Variants in SMPD3 observed in about 807,000 individuals in gnomAD.
SMPD3 encodes the protein sphingomyelin phosphodiesterase 3, also known as nSMase-2.
A neutral mutation model predicts 55.7 loss-of-function variants in SMPD3; 21 were observed. The observed-to-expected ratio is 0.38, with a 90% CI of 0.27 to 0.54. The LOEUF (loss-of-function observed/expected upper bound fraction) is 0.54. SMPD3 is among the 20% of genes least tolerant of loss of function. The probability of loss-of-function intolerance (pLI) is 0.80; values close to 1 mark genes in which losing one functional copy is unlikely to be tolerated. For synonymous variants in SMPD3, 457 were observed against 404.3 expected, an observed-to-expected ratio of 1.13 and a Z score of -1.56; for missense variants, 842 against 899.6, an observed-to-expected ratio of 0.94 and a Z score of 0.82.
At chr16:68,393,959 G>T (rs564217970) in intron 1 of SMPD3, among the ~76,000 whole-genome samples, 1 of 152,214 alleles carries the variant, frequency 6.6e-6, no homozygotes, top group Non-Finnish European at 1.5e-5. Flanking sequence ...TTTAATATTT[G>T]TGATGTCAGT....
intron 1 of SMPD3, among the ~76,000 whole-genome samples, chr16:68,416,055 T>G (rs988558862): frequency 2.2e-4 from 34 of 152,228 alleles, no homozygotes; most frequent in Non-Finnish European, 4.4e-5. Flanking sequence ...CTGCAAGGGC[T>G]GCTGGAAGAG....
chr16:68,376,817 T>C (rs2089828005), intron 2 of SMPD3, among the ~76,000 whole-genome samples: 1 of 152,180 alleles, frequency 6.6e-6, no homozygotes, highest in Non-Finnish European at 1.5e-5. Context: ...CCCCTGGCCC[T>C]CGGCTTCACC....
At chr16:68,423,796 C>T (rs971534796) in intron 1 of SMPD3, among the ~76,000 whole-genome samples, 4 of 152,072 alleles carry the variant, frequency 2.6e-5, no homozygotes, top group East Asian at 3.9e-4. Context: ...TTCCAGACCC[C>T]GTGGGGCACT....
At chr16:68,405,167 G>A (rs1750) in intron 1 of SMPD3, among the ~76,000 whole-genome samples, 115,369 of 151,980 alleles carry the variant, frequency 0.76, 44,142 homozygotes, top group East Asian at 0.87. Context: ...TCACAGCCTC[G>A]GGACTCATGG....
chr16:68,401,301 G>A (rs11647934), intron 1 of SMPD3, among the ~76,000 whole-genome samples: 104,715 of 152,066 alleles, frequency 0.69, 37,607 homozygotes, highest in East Asian at 0.86. Flanking sequence ...TGTAGCTGAC[G>A]CATTTGGACT....
At chr16:68,419,648 C>T (rs1769981627) in intron 1 of SMPD3, among the ~76,000 whole-genome samples, 1 of 152,230 alleles carries the variant, frequency 6.6e-6, no homozygotes, top group South Asian at 2.1e-4. Context: ...ACTTTCCTCC[C>T]TTCCTATGGA....
rs9934801 is a variant in SMPD3, at chr16:68,430,482, A to G, written c.-269+17871T>C. The stretch of plus-strand genomic sequence containing the variant: ...CTGAGCATGACAGCTATTTTGGGTC[A>G]AGTCCACATTTCATTCCTAAATGGA... On this transcript the variant is annotated intron_variant, in intron 1 of 8. Transcript: ENST00000219334. Among the ~76,000 whole-genome samples, 891 of 152,316 alleles carry G rather than the reference A, an allele frequency of 5.8e-3. 11 individuals are homozygous for G. Among genetic ancestry groups the G allele is most frequent in the African/African-American group, 0.02 (850 of 41,540 alleles).
chr16:68,379,473 T>C (rs1597622453), intron 2 of SMPD3, among the ~76,000 whole-genome samples: 1 of 152,246 alleles, frequency 6.6e-6, no homozygotes, highest in Admixed American at 6.5e-5. Flanking sequence ...CATTTTGCTA[T>C]CACTGTTAAT....
chr16:68,439,795 T>C (rs1597671405), intron 1 of SMPD3, among the ~76,000 whole-genome samples: 1 of 152,224 alleles, frequency 6.6e-6, no homozygotes, highest in East Asian at 1.9e-4. Flanking sequence ...CTCAGAGCTA[T>C]GCAGTGAATG....
In SMPD3 at chr16:68,364,846, C is replaced by T. The variant is rs775966517; in HGVS notation, c.1460G>A (p.Arg487Gln). The T allele has an allele frequency of 2.2e-5, 35 of 1,613,666 alleles. No individual in the cohort carries two copies. The highest frequency in any genetic ancestry group is 2.0e-4 in the South Asian group (18 of 91,078). Residue 487 changes from arginine (R) to glutamine (Q), a missense_variant, in exon 5 of 9, where the codon CGA (arginine) becomes CAA (glutamine). Arg to Gln is a conservative substitution (Grantham distance 43, BLOSUM62 1). Transcript: ENST00000219334. Reference protein sequence around the residue: ...DLLQDWLADFRKSTSSSSAAN... With the variant: ...DLLQDWLADFQKSTSSSSAAN... The stretch of plus-strand genomic sequence containing the variant: ...TGCGCTGGACGAGGAGGTAGATTTT[C>T]GGAAATCAGCCAGCCAGTCCTGAAG...
intron 1 of SMPD3, among the ~76,000 whole-genome samples, chr16:68,400,110 T>G (rs115392414): frequency 6.8e-4 from 104 of 152,374 alleles, no homozygotes; most frequent in African/African-American, 2.5e-3. Flanking sequence ...TGTCTGACTC[T>G]AAAACCAGTG....
At chr16:68,402,371 C>G (rs1048764819) in intron 1 of SMPD3, among the ~76,000 whole-genome samples, 27 of 152,124 alleles carry the variant, frequency 1.8e-4, no homozygotes, top group African/African-American at 6.5e-4. Flanking sequence ...TTGTCATAAT[C>G]TGAGGACAAG....
chr16:68,446,416 G>A (rs2152037291), intron 1 of SMPD3, among the ~76,000 whole-genome samples: 1 of 151,938 alleles, frequency 6.6e-6, no homozygotes, highest in South Asian at 2.1e-4. Flanking sequence ...GAGAGTTAAA[G>A]ATGTGACTAC....
chr16:68,361,903 G>C, intron 7 of SMPD3, 144 bp from the exon 8 acceptor site: 2 of 1,287,874 alleles, frequency 1.6e-6, no homozygotes, highest in Non-Finnish European at 1.0e-6. Context: ...TCTCCCCTGC[G>C]GGTCCAAAAA....
chr16:68,365,050 A>G lies in SMPD3; in HGVS notation c.1366T>C (p.Tyr456His). 1 of 1,614,042 alleles carries G rather than the reference A, an allele frequency of 6.2e-7. No homozygotes were observed. Among genetic ancestry groups the G allele is most frequent in the Non-Finnish European group, 8.5e-7 (1 of 1,179,976 alleles). The change falls in exon 4 of 9, where the codon TAC becomes CAC. Residue 456 changes from tyrosine to histidine, a missense_variant. Physicochemically the swap from Tyr to His is moderately conservative, Grantham distance 83 (BLOSUM62 2). Transcript: ENST00000219334. ...STPQDQRIVG[Y>H]IACTHLHAPQ... is the part of the protein sequence containing the mutation. ...GCATGCAGGTGTGTGCAGGCGATGT[A>G]CCCGACGATTCTTTGGTCCTGAGGT...
intron 1 of SMPD3, among the ~76,000 whole-genome samples, chr16:68,446,948 T>A (rs2090614824): frequency 6.6e-6 from 1 of 152,194 alleles, no homozygotes; most frequent in African/African-American, 2.4e-5. Flanking sequence ...CATAGTGCCC[T>A]GCCCTGGCTC....
At chr16:68,400,208 C>T (rs554025099) in intron 1 of SMPD3, among the ~76,000 whole-genome samples, 12 of 152,186 alleles carry the variant, frequency 7.9e-5, no homozygotes, top group Admixed American at 1.3e-4. Context: ...CCCTCAAATA[C>T]GTGTCGGGGG....
At chr16:68,407,834 C>T (rs567023990) in intron 1 of SMPD3, among the ~76,000 whole-genome samples, 5 of 152,076 alleles carry the variant, frequency 3.3e-5, no homozygotes, top group Admixed American at 1.3e-4. Flanking sequence ...TACGTGTTTG[C>T]CTACTTATAA....
rs987932765 is a variant in SMPD3 at position 68,361,025 on chromosome 16, T to A, written c.*181A>T. The A allele has an allele frequency of 1.7e-6, 1 of 596,148 alleles. No individual in the cohort carries two copies. The highest frequency in any genetic ancestry group is 1.9e-5 in the African/African-American group (1 of 53,730). The allele number at this position is 596,148 out of a possible 1,614,324, so 36.9% of individuals were successfully genotyped here. A position where few individuals can be genotyped will look rare whatever the true frequency, so the allele number is the denominator to read the frequency against. ...GCTCCTGGGGCGGGCCTGACTCCTC[T>A]GTCCACAGTGAGGCCCAGAGGCGCA... On this transcript the variant is annotated 3_prime_UTR_variant, in exon 9 of 9. Transcript: ENST00000219334.
Sources: allele counts gnomAD v4.1 joint callset (sites outside exome capture counted in the v4.1 genomes callset), GRCh38; gene constraint gnomAD v4.1.1; transcripts MANE v1.5; gene names NCBI Gene and HGNC (gene_info 2026-07-23, HGNC 2026-07-21).